SCAF11: variants seen among roughly 807,000 people sequenced by gnomAD.
SCAF11 encodes the protein protein SCAF11.
A neutral mutation model predicts 140.5 loss-of-function variants in SCAF11; 47 were observed. That is an observed-to-expected ratio of 0.33 (90% CI 0.26 to 0.43). The LOEUF (loss-of-function observed/expected upper bound fraction) is 0.43. Among genes scored for constraint, SCAF11 ranks in the 20% least tolerant of loss-of-function variants. The pLI is 1.00. For synonymous variants in SCAF11, 557 were observed against 579.4 expected, an observed-to-expected ratio of 0.96 and a Z score of 0.55; for missense variants, 1,645 against 1,705.1, an observed-to-expected ratio of 0.96 and a Z score of 0.62.
chr12:45,974,124 A>G, intron 1 of SCAF11: 2 of 467,240 alleles, frequency 4.3e-6, no homozygotes, highest in African/African-American at 2.0e-5. Flanking sequence ...TTTATATTAT[A>G]CTGTAGTCCA....
chr12:45,980,574 C>T (rs147065386), intron 1 of SCAF11, among the ~76,000 whole-genome samples: 2 of 152,256 alleles, frequency 1.3e-5, no homozygotes, highest in African/African-American at 2.4e-5. Context: ...CTCCCTTATG[C>T]TCTTAACCAT....
intron 1 of SCAF11, among the ~76,000 whole-genome samples, chr12:45,977,720 C>T (rs552402151): frequency 1.5e-4 from 23 of 152,196 alleles, no homozygotes; most frequent in African/African-American, 1.7e-4. Flanking sequence ...ATAACTACTG[C>T]CAACACAGAA....
rs1167275897 is a variant in SCAF11 at position 45,990,335 on chromosome 12, G to T, written c.-22+18C>A. The T allele has an allele frequency of 1.6e-6, 2 of 1,231,832 alleles. No homozygotes were observed. The highest frequency in any genetic ancestry group is 2.0e-6 in the Non-Finnish European group (2 of 988,144). 76.3% of individuals were successfully genotyped at this position (1,231,832 alleles called of 1,614,324 possible). On this transcript the variant is annotated intron_variant, in intron 1 of 14. Coordinates refer to ENST00000369367, the MANE Select transcript of SCAF11 (RefSeq NM_004719.3). ...AGCTGCCCAAGCCCATCCACCCCGC[G>T]GGTCGACCAGTGTTTACCTCAGACC...
intron 3 of SCAF11, chr12:45,956,197 G>A: frequency 1.4e-6 from 1 of 715,388 alleles, no homozygotes; most frequent in Non-Finnish European, 2.6e-6. Context: ...GCTCCTCTTA[G>A]AGAGAGAGAA....
intron 6 of SCAF11, among the ~76,000 whole-genome samples, chr12:45,940,304 A>G (rs1488766414): frequency 2.0e-5 from 3 of 152,234 alleles, no homozygotes; most frequent in Non-Finnish European, 2.9e-5. Flanking sequence ...AAAATGAAAG[A>G]GAACTAATTT....
In SCAF11 at chr12:45,946,880, G is replaced by A. The variant is rs113999748; in HGVS notation, c.398+1557C>T. ...GGCTCATGGGTAGGCTCTTGGAGGG[G>A]GTATTCCATGAATACCTTGAAATCA... On this transcript the variant is annotated intron_variant, in intron 5 of 14. Coordinates refer to ENST00000369367, the MANE Select transcript of SCAF11 (RefSeq NM_004719.3). 7.2e-3 allele frequency among the ~76,000 whole-genome samples: 1,093 copies of A among 152,138 alleles called. 10 individuals are homozygous for A. The highest frequency in any genetic ancestry group is 0.025 in the African/African-American group (1,035 of 41,500).
chr12:45,982,963 G>A (rs1946380722), intron 1 of SCAF11, among the ~76,000 whole-genome samples: 1 of 152,182 alleles, frequency 6.6e-6, no homozygotes, highest in African/African-American at 2.4e-5. Flanking sequence ...GATAGCATAT[G>A]CCAAGTGCCA....
intron 1 of SCAF11, among the ~76,000 whole-genome samples, chr12:45,983,590 G>T (rs1946393184): frequency 6.6e-6 from 1 of 152,088 alleles, no homozygotes; most frequent in Admixed American, 6.6e-5. Context: ...CAGAGACAGA[G>T]TTAGCTGCTA....
chr12:45,962,497 A>G (rs919205111), intron 2 of SCAF11, among the ~76,000 whole-genome samples: 1 of 152,218 alleles, frequency 6.6e-6, no homozygotes, highest in African/African-American at 2.4e-5. Context: ...TATTCTCCTT[A>G]GGATTTGTAC....
chr12:45,939,495 A>T (rs1200998938), intron 6 of SCAF11, among the ~76,000 whole-genome samples: 1 of 152,228 alleles, frequency 6.6e-6, no homozygotes, highest in Non-Finnish European at 1.5e-5. Flanking sequence ...CAGGAGTTTG[A>T]GACCAGCCTG....
In SCAF11 at chr12:45,926,743, C is replaced by T; in HGVS notation, c.2958G>A (p.Lys986=). Reference sequence around the variant, plus strand: ...TTTCATTCTGTTTCTCTGGGTCATTCTTTCTGTACCGATCATTTCCTCGTG... The same window carrying T: ...TTTCATTCTGTTTCTCTGGGTCATTTTTTCTGTACCGATCATTTCCTCGTG... ...RCPRGNDRYR[K]NDPEKQNENT... Residue 986 remains lysine (K), a synonymous_variant, in exon 11 of 15, where the codon AAG becomes AAA. Coordinates refer to ENST00000369367, the MANE Select transcript of SCAF11 (RefSeq NM_004719.3). 2 of 1,613,946 alleles carry T rather than the reference C, an allele frequency of 1.2e-6. No homozygotes were observed. Among genetic ancestry groups the T allele is most frequent in the African/African-American group, 1.3e-5 (1 of 75,014 alleles).
In SCAF11 at chr12:45,920,767, T is replaced by C. The variant is rs1312010708; in HGVS notation, c.*1281A>G. 3.9e-5 allele frequency: 6 copies of C among 152,624 alleles called. No homozygotes were observed. Among genetic ancestry groups the C allele is most frequent in the African/African-American group, 1.4e-4 (6 of 41,454 alleles). The allele number at this position is 152,624 out of a possible 1,614,324, so 9.5% of individuals were successfully genotyped here. Reference sequence around the variant, plus strand: ...CACCAAATTAACACTTCATTCATTGTAAAGCATTTGGGGATTTTCAAGTGT... The same window carrying C: ...CACCAAATTAACACTTCATTCATTGCAAAGCATTTGGGGATTTTCAAGTGT... On this transcript the variant is annotated 3_prime_UTR_variant, in exon 15 of 15. Coordinates refer to ENST00000369367, the MANE Select transcript of SCAF11 (RefSeq NM_004719.3).
intron 1 of SCAF11, among the ~76,000 whole-genome samples, chr12:45,982,331 T>C (rs533085794): frequency 3.1e-4 from 47 of 152,266 alleles, no homozygotes; most frequent in African/African-American, 1.1e-3. Flanking sequence ...TTATTCCCCA[T>C]TATAACAGCT....
At chr12:45,934,065 C>G (rs1945116110) in intron 8 of SCAF11, 111 bp downstream of exon 8, 2 of 579,554 alleles carry the variant, frequency 3.5e-6, no homozygotes, top group Admixed American at 3.8e-5. Context: ...GCAAAACAAC[C>G]AGGTGGGCCT....
At chr12:45,970,933 C>T (rs182245176) in intron 1 of SCAF11, among the ~76,000 whole-genome samples, 16 of 152,182 alleles carry the variant, frequency 1.1e-4, no homozygotes, top group African/African-American at 3.6e-4. Flanking sequence ...TGTCACCTCA[C>T]ACTATGCTCT....
In SCAF11 at chr12:45,961,483, A is replaced by T. The variant is rs11183250; in HGVS notation, c.219+217T>A. The T allele has an allele frequency of 7.3e-3, 4,243 of 578,634 alleles. 142 individuals carry two copies. Among genetic ancestry groups the T allele is most frequent in the African/African-American group, 0.072 (3,810 of 53,062 alleles). 35.8% of individuals were successfully genotyped at this position (578,634 alleles called of 1,614,324 possible). On this transcript the variant is annotated intron_variant, in intron 3 of 14. Coordinates refer to ENST00000369367, the MANE Select transcript of SCAF11 (RefSeq NM_004719.3). ...TCCTATAAGGTTATTAACTTTTTTT[A>T]AAAAAGTATGCATTTAAAATATTAT... is the stretch of plus-strand genomic sequence containing the variant.
chr12:45,964,497 C>T (rs1344598472), intron 1 of SCAF11, among the ~76,000 whole-genome samples: 2 of 152,066 alleles, frequency 1.3e-5, no homozygotes, highest in African/African-American at 4.8e-5. Flanking sequence ...GAAACCCTGT[C>T]TCTACTAAAA....
At chr12:45,980,699 A>T (rs1321534262) in intron 1 of SCAF11, among the ~76,000 whole-genome samples, 4 of 152,190 alleles carry the variant, frequency 2.6e-5, no homozygotes, top group Non-Finnish European at 5.9e-5. Context: ...AGTAACATTT[A>T]TCTGAGTCCA....
intron 6 of SCAF11, among the ~76,000 whole-genome samples, chr12:45,941,607 G>T (rs1264099328): frequency 6.6e-6 from 1 of 152,066 alleles, no homozygotes; most frequent in Non-Finnish European, 1.5e-5. Context: ...TTCCAAAAGA[G>T]AATTCTTCAT....
Sources: allele counts gnomAD v4.1 joint callset (sites outside exome capture counted in the v4.1 genomes callset), GRCh38; gene constraint gnomAD v4.1.1; transcripts MANE v1.5; gene names NCBI Gene and HGNC (gene_info 2026-07-23, HGNC 2026-07-21).